SEM1: variants seen among roughly 807,000 people sequenced by gnomAD.
The protein encoded by SEM1 is SEM1 26S proteasome subunit.
SEM1 carries 3 observed loss-of-function variants against 12.7 expected under a neutral mutation model. The observed-to-expected ratio is 0.24, with a 90% CI of 0.11 to 0.61. SEM1 has a LOEUF of 0.61. SEM1 is among the 20% of genes least tolerant of loss of function. The pLI is 0.88. For missense variants in SEM1, 59 were observed against 81.3 expected (o/e 0.73, Z 1.06); for synonymous variants, 30 against 27.8 (o/e 1.08, Z -0.25).
In SEM1 at chr7:96,593,220, C is replaced by T. The variant is rs528326321; in HGVS notation, c.171-86522G>A. Among the ~76,000 whole-genome samples the T allele has an allele frequency of 1.2e-4, 18 of 152,218 alleles. No individual in the cohort carries two copies. The South Asian group carries it at 3.1e-3, about 26-fold the overall frequency. ...GTTATGTAAAAGAGTGCATTCTGAG[C>T]TTCCCAGATTCTAAGTGCTGGTTGA... On this transcript the variant is annotated intron_variant and NMD_transcript_variant, in intron 2 of 3. Transcript: ENST00000466986.
At chr7:96,514,528 G>GT (rs1804030175) in intron 2 of SEM1, among the ~76,000 whole-genome samples, 2 of 72,320 alleles carry the variant, frequency 2.8e-5, no homozygotes, top group African/African-American at 1.4e-4. Flanking sequence ...TTAAGTAATT[G>GT]ACAAAAAACC....
chr7:96,597,729 C>A (rs994888567), intron 2 of SEM1, among the ~76,000 whole-genome samples: 2 of 151,610 alleles, frequency 1.3e-5, no homozygotes, highest in Non-Finnish European at 2.9e-5. Context: ...TGCACACACA[C>A]ATAGTCACAT....
downstream of SEM1, among the ~76,000 whole-genome samples, chr7:96,685,483 G>C (rs1162788147): frequency 1.3e-5 from 2 of 152,062 alleles, no homozygotes; most frequent in East Asian, 3.9e-4. Flanking sequence ...GAGCATTTAT[G>C]TAAGACTATA....
At chr7:96,624,765 A>G (rs1364948137) in intron 2 of SEM1, among the ~76,000 whole-genome samples, 1 of 152,118 alleles carries the variant, frequency 6.6e-6, no homozygotes, top group African/African-American at 2.4e-5. Context: ...AGTAGGGAGC[A>G]GGAAGGGATA....
intron 2 of SEM1, among the ~76,000 whole-genome samples, chr7:96,540,184 C>A (rs1804902760): frequency 1.3e-5 from 2 of 151,332 alleles, no homozygotes; most frequent in East Asian, 1.9e-4. Flanking sequence ...TGAAAACAAC[C>A]TAATATTTAT....
At chr7:96,631,891 A>G (rs1340968949) in intron 2 of SEM1, among the ~76,000 whole-genome samples, 1 of 152,234 alleles carries the variant, frequency 6.6e-6, no homozygotes, top group Admixed American at 6.5e-5. Context: ...AAAGTGGGTG[A>G]ATGAAATGAA....
chr7:96,514,583 T>C (rs1804032117), intron 2 of SEM1, among the ~76,000 whole-genome samples: 2 of 152,134 alleles, frequency 1.3e-5, no homozygotes, highest in Admixed American at 6.6e-5. Flanking sequence ...GTGAGGTTAA[T>C]ATACAAGTCA....
chr7:96,553,647 C>G (rs1245262077), intron 2 of SEM1, among the ~76,000 whole-genome samples: 2 of 152,078 alleles, frequency 1.3e-5, no homozygotes, highest in African/African-American at 4.8e-5. Flanking sequence ...CAGCTTTGTT[C>G]TTTTGGCTTA....
chr7:96,636,802 C>G (rs1485712487), intron 2 of SEM1, among the ~76,000 whole-genome samples: 2 of 152,010 alleles, frequency 1.3e-5, no homozygotes, highest in African/African-American at 4.8e-5. Context: ...CACCACTCCT[C>G]TCTGTTTTAC....
At chr7:96,552,452 G>A (rs1805314470) in intron 2 of SEM1, among the ~76,000 whole-genome samples, 1 of 150,190 alleles carries the variant, frequency 6.7e-6, no homozygotes, top group South Asian at 2.2e-4. Context: ...TTGGTTTTTT[G>A]TTCTTGCGAT....
At chr7:96,685,346 T>C (rs1388351508), downstream of SEM1, among the ~76,000 whole-genome samples, 1 of 151,954 alleles carries the variant, frequency 6.6e-6, no homozygotes, top group Non-Finnish European at 1.5e-5. Context: ...TATGAAAAAT[T>C]ATAGGGGAAA....
intron 2 of SEM1, among the ~76,000 whole-genome samples, chr7:96,691,949 A>G (rs768998574): frequency 2.8e-4 from 43 of 152,230 alleles, no homozygotes; most frequent in Non-Finnish European, 5.6e-4. Flanking sequence ...TGGGGAAATA[A>G]AAAGAAAAAT....
At chr7:96,555,783 A>G (rs1386540266) in intron 2 of SEM1, among the ~76,000 whole-genome samples, 7 of 146,906 alleles carry the variant, frequency 4.8e-5, no homozygotes, top group Non-Finnish European at 9.0e-5. Context: ...TAATGTTGAC[A>G]GTGGGGTGTT....
chr7:96,558,330 TA>T (rs1409837936), intron 2 of SEM1: 1 of 152,244 alleles, frequency 6.6e-6, no homozygotes, highest in African/African-American at 2.4e-5. Context: ...TTTAGTTGGG[TA>T]AACCAATGGG....
Position 96,591,817 on chromosome 7 carries a change from T to TG in SEM1, c.171-85120_171-85119insC, listed in dbSNP as rs1183428571. On this transcript the variant is annotated intron_variant and NMD_transcript_variant, in intron 2 of 3. Transcript: ENST00000466986. The stretch of plus-strand genomic sequence containing the variant: ...CACAAACCTCCAGGCAATGGAGTTT[T>TG]TTTTTTTTTTCCTTTCAAAACAACA... Among the ~76,000 whole-genome samples, 3 of 151,628 alleles carry TG rather than the reference T, an allele frequency of 2.0e-5. No homozygotes were observed. In the South Asian group the frequency reaches 6.3e-4, roughly 32 times the overall value.
chr7:96,585,536 C>T (rs1806592117), intron 2 of SEM1, among the ~76,000 whole-genome samples: 1 of 152,250 alleles, frequency 6.6e-6, no homozygotes, highest in Admixed American at 6.5e-5. Flanking sequence ...CTAAGCAAGC[C>T]TGGGCAATGG....
chr7:96,511,550 G>A (rs1280348283), intron 2 of SEM1, among the ~76,000 whole-genome samples: 3 of 152,084 alleles, frequency 2.0e-5, no homozygotes, highest in African/African-American at 7.2e-5. Flanking sequence ...GATGTATATA[G>A]CACAAATTGG....
intron 2 of SEM1, among the ~76,000 whole-genome samples, chr7:96,690,372 T>G (rs369897084): frequency 6.6e-6 from 1 of 152,134 alleles, no homozygotes; most frequent in South Asian, 2.1e-4. Context: ...ACTAACTGCA[T>G]GTATAAATTG....
intron 2 of SEM1, among the ~76,000 whole-genome samples, chr7:96,667,543 C>T (rs1233819771): frequency 3.3e-5 from 5 of 152,158 alleles, no homozygotes; most frequent in Admixed American, 3.3e-4. Context: ...AGCATAATCC[C>T]CGAATCTTGG....
Sources: gnomAD v4.1 joint callset for allele counts (sites outside exome capture counted in the v4.1 genomes callset) on GRCh38, gnomAD v4.1.1 for gene constraint, MANE v1.5 for transcripts, NCBI Gene and HGNC (gene_info 2026-07-23, HGNC 2026-07-21) for gene names.